KRT35: variants seen among roughly 807,000 people sequenced by gnomAD.
The protein encoded by KRT35 is keratin, type I cuticular Ha5.
Under a neutral mutation model 42.2 loss-of-function variants are expected in KRT35, and 33 were observed. The observed-to-expected ratio is 0.78, with a 90% CI of 0.59 to 1.05. KRT35 has a LOEUF of 1.05. Among genes scored for constraint, KRT35 ranks in the 50% least tolerant of loss-of-function variants. The probability of loss-of-function intolerance (pLI) is 0.00; values close to 1 mark genes in which losing one functional copy is unlikely to be tolerated. For missense variants in KRT35, 585 were observed against 589.2 expected (o/e 0.99, Z 0.07); for synonymous variants, 218 against 238.2 (o/e 0.92, Z 0.78).
chr17:41,479,138 C>G, intron 3 of KRT35, 143 bp from the exon 4 acceptor site: 2 of 988,066 alleles, frequency 2.0e-6, no homozygotes, highest in Non-Finnish European at 3.0e-6. Context: ...ATGCCCACCT[C>G]CTCCCCATGC....
At position 41,477,009 on chromosome 17, in the gene KRT35, G is replaced by A. The variant is rs1165562283; in HGVS notation, c.*47C>T. ...AGGGTTAAGTTTGGGTAGAGGCCAA[G>A]TTCAAGCCCTGGAGACAATAGCCAT... On this transcript the variant is annotated 3_prime_UTR_variant, in exon 7 of 7. Transcript: ENST00000246639. 3 of 1,513,188 alleles carry A rather than the reference G, an allele frequency of 2.0e-6. No individual in the cohort carries two copies. The highest frequency in any genetic ancestry group is 1.8e-6 in the Non-Finnish European group (2 of 1,133,370). The allele number at this position is 1,513,188 out of a possible 1,614,324, so 93.7% of individuals were successfully genotyped here.
intron 4 of KRT35, 37 bp downstream of exon 4, chr17:41,478,797 C>G (rs573238873): frequency 4.4e-6 from 7 of 1,587,130 alleles, no homozygotes; most frequent in East Asian, 2.2e-5. Context: ...TGAGCCACCA[C>G]ATACCCCTGT....
In KRT35 at chr17:41,476,972, G is replaced by GA. The variant is rs2019179090; in HGVS notation, c.*83dup. 1.5e-6 allele frequency: 2 copies of GA among 1,322,596 alleles called. No individual in the cohort carries two copies. 81.9% of individuals were successfully genotyped at this position (1,322,596 alleles called of 1,614,324 possible). A position where few individuals can be genotyped will look rare whatever the true frequency, so the allele number is the denominator to read the frequency against. Reference sequence around the variant, plus strand: ...GCCTGGGCTCTGCGCGAAGAGAGGGGATTGGGCTACAAGGGTTAAGTTTGG... The same window carrying GA: ...GCCTGGGCTCTGCGCGAAGAGAGGGGAATTGGGCTACAAGGGTTAAGTTTGG... On this transcript the variant is annotated 3_prime_UTR_variant, in exon 7 of 7. Transcript: ENST00000246639.
In KRT35 at chr17:41,478,998, A is replaced by G. The variant is rs1425538957; in HGVS notation, c.712-3T>C. On this transcript the variant is annotated splice_polypyrimidine_tract_variant and splice_region_variant and intron_variant, in intron 3 of 6. Transcript: ENST00000246639. ...TGGCAGCGCAGTGAGTTCACTTCCTATAGCACAGACCAGGATGAGTACTAA... is the reference window on the plus strand; with the variant it reads ...TGGCAGCGCAGTGAGTTCACTTCCTGTAGCACAGACCAGGATGAGTACTAA... The G allele has an allele frequency of 6.2e-7, 1 of 1,611,032 alleles. No homozygotes were observed. Among genetic ancestry groups the G allele is most frequent in the Middle Eastern group, 1.7e-4 (1 of 6,046 alleles).
At position 41,477,024 on chromosome 17, in the gene KRT35, A is replaced by T. The variant is rs1169313610; in HGVS notation, c.*32T>A. On this transcript the variant is annotated 3_prime_UTR_variant, in exon 7 of 7. Transcript: ENST00000246639. ...TAGAGGCCAAGTTCAAGCCCTGGAG[A>T]CAATAGCCATGGCCATCTGGGTCAC... 1 of 1,528,550 alleles carries T rather than the reference A, an allele frequency of 6.5e-7. No individual in the cohort carries two copies. Among genetic ancestry groups the T allele is most frequent in the East Asian group, 2.3e-5 (1 of 43,836 alleles). 94.7% of individuals were successfully genotyped at this position (1,528,550 alleles called of 1,614,324 possible). A position where few individuals can be genotyped will look rare whatever the true frequency, so the allele number is the denominator to read the frequency against.
In KRT35 at chr17:41,480,645, G is replaced by C. The variant is rs544871925; in HGVS notation, c.453C>G (p.Ile151Met). ...CPDYQSYFRT[I>M]EELQKKTLCS... The stretch of plus-strand genomic sequence containing the variant: ...CTCTTACCTTCTTCTGGAGCTCCTC[G>C]ATGGTCCGGAAGTAGGACTGGTAGT... Residue 151 changes from isoleucine (I) to methionine (M), a missense_variant, in exon 1 of 7, where the codon ATC becomes ATG. Transcript: ENST00000246639. The C allele has an allele frequency of 2.5e-6, 4 of 1,613,562 alleles. No homozygotes were observed. In the East Asian group the frequency reaches 8.9e-5, roughly 36 times the overall value.
At chr17:41,478,730 C>T (rs1216836924) in intron 4 of KRT35, 104 bp downstream of exon 4, 1 of 1,280,672 alleles carries the variant, frequency 7.8e-7, no homozygotes, top group Non-Finnish European at 1.1e-6. Flanking sequence ...AAGGTCAAAA[C>T]AGAGATGGGA....
At chr17:41,478,795 C>A in intron 4 of KRT35, 39 bp downstream of exon 4, 1 of 1,581,590 alleles carries the variant, frequency 6.3e-7, no homozygotes. Context: ...TGTGAGCCAC[C>A]ACATACCCCT....
Position 41,477,063 on chromosome 17 carries a change from C to CG in KRT35, c.1360dup (p.Arg454ProfsTer26). The CG allele has an allele frequency of 6.4e-7, 1 of 1,566,070 alleles. No individual in the cohort carries two copies. Among genetic ancestry groups the CG allele is most frequent in the East Asian group, 2.2e-5 (1 of 44,492 alleles). On this transcript the variant is annotated frameshift_variant, in exon 7 of 7. Coordinates refer to ENST00000246639, the MANE Select transcript of KRT35 (RefSeq NM_002280.6). LOFTEE classifies it high-confidence loss of function. ...CATCTGGGTCACCCGCTCTCAGAAC[C>CG]GACCCCCTGGGCAGGGCACACAAAT...
rs1486003844 is a variant in KRT35, at chr17:41,477,062, C to T, written c.1362G>A (p.Arg454=). 5 of 1,565,326 alleles carry T rather than the reference C, an allele frequency of 3.2e-6. No individual in the cohort carries two copies. The highest frequency in any genetic ancestry group is 1.7e-6 in the Non-Finnish European group (2 of 1,161,042). The change falls in exon 7 of 7, where the codon CGG becomes CGA. Residue 454 remains arginine (R), a synonymous_variant. Coordinates refer to ENST00000246639, the MANE Select transcript of KRT35 (RefSeq NM_002280.6). Reference sequence around the variant, plus strand: ...CCATCTGGGTCACCCGCTCTCAGAACCGACCCCCTGGGCAGGGCACACAAA... The same window carrying T: ...CCATCTGGGTCACCCGCTCTCAGAATCGACCCCCTGGGCAGGGCACACAAA... ...RPICVPCPGG[R]F
At chr17:41,477,410 A>G in intron 6 of KRT35, 108 bp downstream of exon 6, 2 of 1,475,396 alleles carry the variant, frequency 1.4e-6, no homozygotes, top group South Asian at 2.6e-5. Context: ...GAACTAAGAG[A>G]ACAGAACTCC....
rs760987949 is a variant in KRT35, at chr17:41,477,101, G to A, written c.1323C>T (p.Cys441=). ...SCGPSAARTN[C]SPRPICVPCP... is the part of the protein sequence containing the mutation. ...AGGGCACACAAATGGGGCGGGGGCTGCAGTTTGTGCGGGCTGCACTAGGAC... is the reference window on the plus strand; with the variant it reads ...AGGGCACACAAATGGGGCGGGGGCTACAGTTTGTGCGGGCTGCACTAGGAC... Residue 441 remains cysteine (C), a synonymous_variant, in exon 7 of 7, where the codon TGC becomes TGT. Coordinates refer to ENST00000246639, the MANE Select transcript of KRT35 (RefSeq NM_002280.6). The A allele has an allele frequency of 3.4e-5, 54 of 1,606,444 alleles. 1 individual carries two copies. The highest frequency in any genetic ancestry group is 4.4e-5 in the Non-Finnish European group (52 of 1,177,416).
chr17:41,480,523 G>A, intron 1 of KRT35, 104 bp downstream of exon 1: 1 of 853,136 alleles, frequency 1.2e-6, no homozygotes, highest in Non-Finnish European at 1.9e-6. Context: ...CCACAGAGAT[G>A]AACATGCTTG....
At chr17:41,477,356 A>G (rs59163947) in intron 6 of KRT35, among the ~76,000 whole-genome samples, 153 bp from the exon 7 acceptor site, 6,712 of 152,242 alleles carry the variant, frequency 0.044, 477 homozygotes, top group African/African-American at 0.15. Context: ...CCTGAGAGGA[A>G]AGGGGGCTTG....
chr17:41,479,124 C>T, intron 3 of KRT35, 129 bp from the exon 4 acceptor site: 1 of 1,049,468 alleles, frequency 9.5e-7, no homozygotes, highest in Non-Finnish European at 1.4e-6. Context: ...CTCATCTGCT[C>T]CCCATGCCCA....
In KRT35 at chr17:41,477,554, T is replaced by C; in HGVS notation, c.1184A>G (p.Asn395Ser). The change falls in exon 6 of 7, where the codon AAC becomes AGC. Residue 395 changes from asparagine to serine, a missense_variant. Asn to Ser is a conservative substitution (Grantham distance 46). Transcript: ENST00000246639. The part of the protein sequence containing the change: ...DVRARLECEI[N>S]TYRGLLESED... ...ACTCTCCAGCAGGCCCCGGTACGTG[T>C]TGATCTCACACTCCAGCCGGGCCCG... is the stretch of plus-strand genomic sequence containing the variant. 6.2e-7 allele frequency: 1 copy of C among 1,613,920 alleles called. No homozygotes were observed. The highest frequency in any genetic ancestry group is 8.5e-7 in the Non-Finnish European group (1 of 1,180,046).
At chr17:41,478,119 C>T (rs2019204390) in intron 5 of KRT35, among the ~76,000 whole-genome samples, 1 of 152,198 alleles carries the variant, frequency 6.6e-6, no homozygotes, top group Non-Finnish European at 1.5e-5. Flanking sequence ...GATGTATCTG[C>T]TTGCACAAAT....
intron 4 of KRT35, 86 bp downstream of exon 4, chr17:41,478,748 T>G: frequency 7.3e-7 from 1 of 1,364,078 alleles, no homozygotes; most frequent in Non-Finnish European, 1.0e-6. Flanking sequence ...GGACTCAAAG[T>G]TAGATTTCTT....
rs752057097 is a variant in KRT35, at chr17:41,477,788, A to G, written c.1000-50T>C. On this transcript the variant is annotated intron_variant, in intron 5 of 6. Transcript: ENST00000246639. ...GAGGAAAAAGGCTAGAGGTCAGAGA[A>G]GGAGCAAGGAAGGAATCTTCCTTGG... is the stretch of plus-strand genomic sequence containing the variant. 1.9e-5 allele frequency: 29 copies of G among 1,565,566 alleles called. 1 individual carries two copies. The South Asian group carries it at 3.3e-4, about 18-fold the overall frequency.
Sources: allele counts gnomAD v4.1 joint callset (sites outside exome capture counted in the v4.1 genomes callset), GRCh38; gene constraint gnomAD v4.1.1; transcripts MANE v1.5; gene names NCBI Gene and HGNC (gene_info 2026-07-23, HGNC 2026-07-21).